The following LAMC2 variants were observed in gnomAD, a reference collection of about 807,000 sequenced individuals.
The protein encoded by LAMC2 is laminin subunit gamma-2.
LAMC2 carries 97 observed loss-of-function variants against 140.2 expected under a neutral mutation model. The ratio of observed to expected loss-of-function variants is 0.69; its 90% CI spans 0.59 to 0.82. LAMC2 has a LOEUF of 0.82. Among genes scored for constraint, LAMC2 ranks in the 40% least tolerant of loss-of-function variants. The probability of loss-of-function intolerance (pLI) is 0.00; values close to 1 mark genes in which losing one functional copy is unlikely to be tolerated. For missense variants in LAMC2, 1,402 were observed against 1,476.1 expected (o/e 0.95, Z 0.82); for synonymous variants, 513 against 540.2 (o/e 0.95, Z 0.70).
At chr1:183,237,987 C>T (rs1264591289) in intron 18 of LAMC2, among the ~76,000 whole-genome samples, 1 of 152,154 alleles carries the variant, frequency 6.6e-6, no homozygotes, top group Non-Finnish European at 1.5e-5. Context: ...GCCCTCAAAC[C>T]TAGGAATAGG....
chr1:183,236,652 A>G (rs777174579), intron 17 of LAMC2, 48 bp downstream of exon 17: 8 of 1,602,118 alleles, frequency 5.0e-6, no homozygotes, highest in African/African-American at 1.3e-5. Context: ...GGCCATAAAT[A>G]CTTTCTTTTC....
chr1:183,205,670 A>G (rs1418037361), intron 1 of LAMC2, among the ~76,000 whole-genome samples: 1 of 152,198 alleles, frequency 6.6e-6, no homozygotes, highest in East Asian at 1.9e-4. Context: ...TTGAACAGGA[A>G]AAGACTAAGG....
chr1:183,229,824 A>T (rs1315781481), intron 11 of LAMC2, among the ~76,000 whole-genome samples: 2 of 152,020 alleles, frequency 1.3e-5, no homozygotes, highest in Non-Finnish European at 2.9e-5. Context: ...TCCCTTCAGG[A>T]ATTCTAGGCC....
chr1:183,253,903 CCGTG>C, the LAMC2 span, among the ~76,000 whole-genome samples: 1 of 129,316 alleles, frequency 7.7e-6, no homozygotes, highest in Admixed American at 8.1e-5. Flanking sequence ...TGTTCCACTT[CCGTG>C]TGTGTGTGTG....
In LAMC2 at chr1:183,232,845, C is replaced by T. The variant is rs1157492535; in HGVS notation, c.2208C>T (p.Ser736=). 6.2e-7 allele frequency: 1 copy of T among 1,614,020 alleles called. No homozygotes were observed. Among genetic ancestry groups the T allele is most frequent in the South Asian group, 1.1e-5 (1 of 91,068 alleles). ...MQLSLAESEA[S]LGNTNIPASD... The stretch of plus-strand genomic sequence containing the variant: ...TGAGCCTGGCAGAAAGTGAAGCTTC[C>T]TTGGGAAACACTGTAGGTTTTTGCT... Residue 736 remains serine, a synonymous_variant, in exon 14 of 23, where the codon TCC becomes TCT. Coordinates refer to ENST00000264144, the MANE Select transcript of LAMC2 (RefSeq NM_005562.3).
intron 4 of LAMC2, 25 bp from the exon 5 acceptor site, chr1:183,220,800 C>T (rs1413840293): frequency 1.2e-6 from 2 of 1,610,476 alleles, no homozygotes; most frequent in Non-Finnish European, 1.7e-6. Context: ...CCTATAATAT[C>T]CTGATTTCTA....
the LAMC2 span, among the ~76,000 whole-genome samples, chr1:183,257,159 T>TAA: frequency 1.3e-5 from 2 of 151,864 alleles, no homozygotes; most frequent in Non-Finnish European, 2.9e-5. Flanking sequence ...TTAAAATGTA[T>TAA]AGGCCAGGCG....
chr1:183,215,396 G>A (rs768806717), intron 2 of LAMC2, 57 bp from the exon 3 acceptor site: 200 of 1,598,030 alleles, frequency 1.3e-4, no homozygotes, highest in South Asian at 1.8e-4. Context: ...TTCCAATGCC[G>A]CATACATTAA....
At chr1:183,188,817 G>A (rs1658234307) in intron 1 of LAMC2, among the ~76,000 whole-genome samples, 1 of 152,180 alleles carries the variant, frequency 6.6e-6, no homozygotes, top group African/African-American at 2.4e-5. Flanking sequence ...CATAGCAGGA[G>A]GTATGACTGG....
intron 1 of LAMC2, among the ~76,000 whole-genome samples, chr1:183,195,210 G>A (rs1022302275): frequency 2.0e-5 from 3 of 152,112 alleles, no homozygotes; most frequent in African/African-American, 7.2e-5. Flanking sequence ...GGAGTGTCAG[G>A]GGAAGACATC....
At chr1:183,242,824 A>G (rs186238965) in intron 22 of LAMC2, among the ~76,000 whole-genome samples, 3 of 149,002 alleles carry the variant, frequency 2.0e-5, no homozygotes, top group East Asian at 2.0e-4. Flanking sequence ...TCAGTCCCCT[A>G]TGACCTTCAG....
chr1:183,252,556 G>A, the LAMC2 span: 1 of 973,382 alleles, frequency 1.0e-6, no homozygotes, highest in Non-Finnish European at 1.7e-6. Context: ...TCAAGACGAG[G>A]AGATGGAGAA....
chr1:183,190,189 A>G (rs542509414), intron 1 of LAMC2, among the ~76,000 whole-genome samples: 1 of 152,204 alleles, frequency 6.6e-6, no homozygotes, highest in African/African-American at 2.4e-5. Flanking sequence ...ATAAATCGAT[A>G]TGACCATTAC....
At chr1:183,214,433 C>T (rs1385567250) in intron 2 of LAMC2, among the ~76,000 whole-genome samples, 2 of 152,114 alleles carry the variant, frequency 1.3e-5, no homozygotes, top group Non-Finnish European at 2.9e-5. Context: ...AAAGAGCATT[C>T]CAGACTGAGG....
downstream of LAMC2, chr1:183,248,919 T>C (rs1293401058): frequency 6.5e-6 from 1 of 152,716 alleles, no homozygotes; most frequent in Non-Finnish European, 1.5e-5. Flanking sequence ...TGTGTGTGTG[T>C]GTGTGTGTGT....
At chr1:183,237,636 T>C in intron 18 of LAMC2, 132 bp downstream of exon 18, 7 of 926,776 alleles carry the variant, frequency 7.6e-6, no homozygotes, top group Non-Finnish European at 1.0e-5. Context: ...CCCCGCACTT[T>C]TGGAGGCCAA....
chr1:183,241,959 GA>G (rs532107814), intron 22 of LAMC2, among the ~76,000 whole-genome samples: 6 of 152,106 alleles, frequency 3.9e-5, no homozygotes, highest in Non-Finnish European at 8.8e-5. Flanking sequence ...CTATGTGTCA[GA>G]TGTTTTCATG....
intron 3 of LAMC2, among the ~76,000 whole-genome samples, chr1:183,217,560 A>G (rs961881078): frequency 3.9e-5 from 6 of 152,216 alleles, no homozygotes; most frequent in Non-Finnish European, 5.9e-5. Flanking sequence ...TGTCACCAAA[A>G]AGAATTTATG....
chr1:183,201,234 A>C (rs915740673), intron 1 of LAMC2, among the ~76,000 whole-genome samples: 12 of 152,038 alleles, frequency 7.9e-5, no homozygotes, highest in African/African-American at 2.9e-4. Flanking sequence ...ATGGAGAGAA[A>C]CCTGCTTGTT....
Sources: allele counts gnomAD v4.1 joint callset (sites outside exome capture counted in the v4.1 genomes callset), GRCh38; gene constraint gnomAD v4.1.1; transcripts MANE v1.5; gene names NCBI Gene and HGNC (gene_info 2026-07-23, HGNC 2026-07-21).